TENM2: variants seen among roughly 807,000 people sequenced by gnomAD.
TENM2 encodes the protein teneurin-2.
A neutral mutation model predicts 245.2 loss-of-function variants in TENM2; 52 were observed. The observed-to-expected ratio is 0.21, with a 90% confidence interval of 0.17 to 0.27. The LOEUF (loss-of-function observed/expected upper bound fraction) is 0.27. Ranked by LOEUF, TENM2 falls within the 10% of genes least tolerant of loss-of-function variation. TENM2 has a pLI of 1.00. For missense variants in TENM2, 3,046 were observed against 3,666.8 expected, an observed-to-expected ratio of 0.83 and a Z score of 4.37; for synonymous variants, 1,363 against 1,438.9, an observed-to-expected ratio of 0.95 and a Z score of 1.19.
chr5:167,606,046 C>G (rs569619893), intron 2 of TENM2, among the ~76,000 whole-genome samples: 4 of 152,082 alleles, frequency 2.6e-5, no homozygotes, highest in African/African-American at 7.2e-5. Context: ...TGTTAGAGCC[C>G]GGACTAAAAC....
chr5:167,396,029 C>T (rs1408598042), intron 2 of TENM2, among the ~76,000 whole-genome samples: 5 of 152,054 alleles, frequency 3.3e-5, no homozygotes, highest in African/African-American at 1.2e-4. Flanking sequence ...TAAAATGATA[C>T]AACCACTATA....
chr5:167,387,790 T>C (rs1346159473), intron 2 of TENM2, among the ~76,000 whole-genome samples: 3 of 152,272 alleles, frequency 2.0e-5, no homozygotes, highest in Middle Eastern at 6.8e-3. Flanking sequence ...TGATTTTTGC[T>C]TATAATTCTG....
chr5:166,990,922 G>A, the TENM2 span, among the ~76,000 whole-genome samples: 1 of 152,112 alleles, frequency 6.6e-6, no homozygotes, highest in African/African-American at 2.4e-5. Flanking sequence ...CTGAAAATTG[G>A]ATTGGGCTTT....
At chr5:167,508,104 C>G (rs1769677468) in intron 2 of TENM2, among the ~76,000 whole-genome samples, 2 of 152,012 alleles carry the variant, frequency 1.3e-5, no homozygotes, top group African/African-American at 4.8e-5. Context: ...ATTGAAGCAC[C>G]CAGCCAGTTT....
chr5:167,548,827 G>A (rs569322002), intron 2 of TENM2, among the ~76,000 whole-genome samples: 1 of 152,176 alleles, frequency 6.6e-6, no homozygotes, highest in Non-Finnish European at 1.5e-5. Flanking sequence ...AAATCTGTGT[G>A]CATTGGGTGG....
chr5:168,062,318 T>C (rs1000862016), intron 7 of TENM2, 53 bp downstream of exon 9: 1 of 1,399,904 alleles, frequency 7.1e-7, no homozygotes, highest in Non-Finnish European at 1.0e-6. Flanking sequence ...TACGTATATA[T>C]GTGTGTGTGT....
At chr5:167,264,442 G>T in the TENM2 span, among the ~76,000 whole-genome samples, 1 of 152,140 alleles carries the variant, frequency 6.6e-6, no homozygotes, top group Non-Finnish European at 1.5e-5. Flanking sequence ...TACTGCATAT[G>T]GAAATATATT....
exon 3 of TENM2, chr5:167,876,140 C>A (rs1398931890): frequency 1.3e-6 from 2 of 1,551,472 alleles, no homozygotes; most frequent in African/African-American, 2.7e-5. Flanking sequence ...AGGAATTCTC[C>A]CCCAATTCAT....
intron 2 of TENM2, among the ~76,000 whole-genome samples, chr5:167,443,817 T>C (rs1003361113): frequency 1.3e-5 from 2 of 152,166 alleles, no homozygotes; most frequent in Non-Finnish European, 2.9e-5. Context: ...AGGGGACTTA[T>C]TTTACACAGT....
intron 5 of TENM2, among the ~76,000 whole-genome samples, chr5:168,034,119 G>GTATACATATATA (rs1787416190): frequency 8.7e-6 from 1 of 114,780 alleles, no homozygotes; most frequent in African/African-American, 4.3e-5. Flanking sequence ...ACATATATAT[G>GTATACATATATA]TGTATATATA....
chr5:167,497,914 G>C (rs561335428), intron 2 of TENM2, among the ~76,000 whole-genome samples: 53 of 151,974 alleles, frequency 3.5e-4, no homozygotes, highest in African/African-American at 1.2e-3. Flanking sequence ...CTTGTAATAT[G>C]GTACTTCCTC....
intron 1 of TENM2, among the ~76,000 whole-genome samples, chr5:167,347,743 C>G (rs910340281): frequency 6.6e-6 from 1 of 151,992 alleles, no homozygotes; most frequent in African/African-American, 2.4e-5. Flanking sequence ...CTCCTCCTGT[C>G]CTATCAATCT....
intron 1 of TENM2, among the ~76,000 whole-genome samples, chr5:167,318,206 G>A (rs1756486949): frequency 6.6e-6 from 1 of 152,134 alleles, no homozygotes; most frequent in Admixed American, 6.5e-5. Context: ...ACACCAATGT[G>A]TCAGTAAAGC....
chr5:168,220,195 A>ATATTGGGTG (rs1763553168), intron 23 of TENM2, among the ~76,000 whole-genome samples: 1 of 152,136 alleles, frequency 6.6e-6, no homozygotes, highest in Non-Finnish European at 1.5e-5. Flanking sequence ...GGCTGAAGCT[A>ATATTGGGTG]TACACTCACC....
intron 2 of TENM2, among the ~76,000 whole-genome samples, chr5:167,520,408 A>C (rs988778730): frequency 3.2e-4 from 49 of 152,122 alleles, no homozygotes; most frequent in African/African-American, 1.2e-3. Context: ...GGCCTGTAAC[A>C]TATTTTTAGT....
chr5:167,582,795 A>G (rs1017616706), intron 2 of TENM2, among the ~76,000 whole-genome samples: 8 of 152,148 alleles, frequency 5.3e-5, no homozygotes, highest in Non-Finnish European at 1.0e-4. Context: ...CAAAAAGGTA[A>G]TTTGTTTTTA....
chr5:168,222,712 T>C (rs1485446415), intron 23 of TENM2, among the ~76,000 whole-genome samples: 1 of 152,166 alleles, frequency 6.6e-6, no homozygotes, highest in Admixed American at 6.5e-5. Context: ...TTACACTCTC[T>C]ACTCCCTATA....
chr5:167,678,698 C>A (rs933318857), intron 2 of TENM2, among the ~76,000 whole-genome samples: 4 of 151,912 alleles, frequency 2.6e-5, no homozygotes, highest in Admixed American at 6.6e-5. Flanking sequence ...AAGAAGAAAC[C>A]CTTGGTGCCA....
intron 2 of TENM2, among the ~76,000 whole-genome samples, chr5:167,708,250 G>C (rs1758669396): frequency 6.6e-6 from 1 of 151,960 alleles, no homozygotes; most frequent in African/African-American, 2.4e-5. Flanking sequence ...GAGAGAGAGA[G>C]AGAGAGTTAG....
Sources: allele counts gnomAD v4.1 joint callset (sites outside exome capture counted in the v4.1 genomes callset), GRCh38; gene constraint gnomAD v4.1.1; transcripts MANE v1.5; gene names NCBI Gene and HGNC (gene_info 2026-07-23, HGNC 2026-07-21).